NTNG1: variants seen among roughly 807,000 people sequenced by gnomAD.
NTNG1 encodes netrin-G1.
NTNG1 carries 16 observed loss-of-function variants against 54.0 expected under a neutral mutation model. The observed-to-expected ratio is 0.30, with a 90% CI of 0.20 to 0.45. The LOEUF is 0.45. NTNG1 is among the 20% of genes least tolerant of loss of function. The pLI is 1.00. For missense variants in NTNG1, 530 were observed against 678.7 expected (o/e 0.78, Z 2.43); for synonymous variants, 255 against 263.1 (o/e 0.97, Z 0.30).
At chr1:107,152,174 A>G (rs764856451) in intron 2 of NTNG1, among the ~76,000 whole-genome samples, 12 of 152,144 alleles carry the variant, frequency 7.9e-5, no homozygotes, top group Non-Finnish European at 1.5e-4. Context: ...GATGATGGCT[A>G]AAGAAAATCT....
At chr1:107,327,775 A>G (rs1313517966) in intron 3 of NTNG1, among the ~76,000 whole-genome samples, 2 of 152,168 alleles carry the variant, frequency 1.3e-5, no homozygotes, top group African/African-American at 2.4e-5. Flanking sequence ...AGATGTAAAC[A>G]TCTATAGTAT....
intron 2 of NTNG1, among the ~76,000 whole-genome samples, chr1:107,213,249 A>G (rs553274541): frequency 9.2e-5 from 14 of 152,046 alleles, no homozygotes; most frequent in South Asian, 2.1e-4. Flanking sequence ...ACTTGTTTCA[A>G]TTTTTTGCAT....
intron 3 of NTNG1, among the ~76,000 whole-genome samples, chr1:107,388,531 C>A (rs115066001): frequency 0.013 from 2,010 of 152,294 alleles, 47 homozygotes; most frequent in African/African-American, 0.045. Context: ...GTGCAGGTCT[C>A]ATGGGATTGT....
intron 3 of NTNG1, among the ~76,000 whole-genome samples, chr1:107,364,897 C>T (rs1557935765): frequency 6.6e-6 from 1 of 152,104 alleles, no homozygotes. Flanking sequence ...GTCTCCCAGT[C>T]CTCATTCATT....
At chr1:107,447,633 G>A (rs1485901977) in intron 7 of NTNG1, among the ~76,000 whole-genome samples, 1 of 152,074 alleles carries the variant, frequency 6.6e-6, no homozygotes, top group Admixed American at 6.6e-5. Context: ...GTCTAGGCAT[G>A]GAGGAGTTTG....
At chr1:107,164,958 G>A (rs1394048435) in intron 2 of NTNG1, among the ~76,000 whole-genome samples, 2 of 152,092 alleles carry the variant, frequency 1.3e-5, no homozygotes, top group Non-Finnish European at 2.9e-5. Context: ...GGGTTGGACC[G>A]CACAGTCTAA....
In NTNG1 at chr1:107,480,937, A is replaced by C; in HGVS notation, c.*97A>C. 1 of 861,542 alleles carries C rather than the reference A, an allele frequency of 1.2e-6. No individual in the cohort carries two copies. Among genetic ancestry groups the C allele is most frequent in the Non-Finnish European group, 1.8e-6 (1 of 550,600 alleles). 53.4% of individuals were successfully genotyped at this position (861,542 alleles called of 1,614,324 possible). On this transcript the variant is annotated 3_prime_UTR_variant, in exon 8 of 8. Transcript: ENST00000370068. ...ACATAGGAAACACACACATACAGAC[A>C]CCCCCACTCAGACAGTGTACAAACT...
At chr1:107,402,385 T>A (rs1557969149) in intron 4 of NTNG1, among the ~76,000 whole-genome samples, 1 of 152,174 alleles carries the variant, frequency 6.6e-6, no homozygotes, top group Non-Finnish European at 1.5e-5. Context: ...GAGACCATGC[T>A]AGGACGGTAC....
At chr1:107,360,642 G>C (rs1194603720) in intron 3 of NTNG1, among the ~76,000 whole-genome samples, 3 of 152,166 alleles carry the variant, frequency 2.0e-5, no homozygotes, top group Non-Finnish European at 4.4e-5. Context: ...ATTCTGAAAA[G>C]TATTTGCAAA....
At chr1:107,374,227 T>G (rs1327841061) in intron 3 of NTNG1, among the ~76,000 whole-genome samples, 1 of 152,164 alleles carries the variant, frequency 6.6e-6, no homozygotes, top group East Asian at 1.9e-4. Flanking sequence ...TGGTGTAATT[T>G]TATTTATTTA....
chr1:107,474,188 C>T (rs749966601), intron 7 of NTNG1, among the ~76,000 whole-genome samples: 1 of 152,058 alleles, frequency 6.6e-6, no homozygotes, highest in Non-Finnish European at 1.5e-5. Flanking sequence ...TAAAATGAAC[C>T]TTTCTGTTTA....
intron 2 of NTNG1, among the ~76,000 whole-genome samples, chr1:107,154,046 A>T (rs75619257): frequency 0.048 from 7,360 of 152,288 alleles, 576 homozygotes; most frequent in African/African-American, 0.17. Context: ...CATTCAGCAC[A>T]TGCAAAACCT....
At chr1:107,216,770 TG>T (rs1244471690) in intron 2 of NTNG1, among the ~76,000 whole-genome samples, 1 of 151,618 alleles carries the variant, frequency 6.6e-6, no homozygotes, top group African/African-American at 2.4e-5. Context: ...CTCTACCTCC[TG>T]GGTTCAAGCA....
chr1:107,375,071 G>GT (rs973369204), intron 3 of NTNG1, among the ~76,000 whole-genome samples: 8 of 152,234 alleles, frequency 5.3e-5, no homozygotes, highest in African/African-American at 1.7e-4. Context: ...ACTTTTGGAG[G>GT]TTTTTTCCCT....
intron 7 of NTNG1, among the ~76,000 whole-genome samples, chr1:107,454,448 C>T (rs1183684483): frequency 1.3e-5 from 2 of 152,078 alleles, no homozygotes; most frequent in African/African-American, 2.4e-5. Flanking sequence ...ATAGTCCCTA[C>T]CCATTCTCAT....
chr1:107,464,744 T>A lies in NTNG1; in HGVS notation c.1391-15867T>A, dbSNP rs565922147. Among the ~76,000 whole-genome samples the A allele has an allele frequency of 7.9e-5, 12 of 152,308 alleles. No homozygotes were observed. The East Asian group carries it at 2.3e-3, about 29-fold the overall frequency. On this transcript the variant is annotated intron_variant, in intron 7 of 7. Transcript: ENST00000370068. ...TAATGGGAGTGCAATAGGTGGAGAA[T>A]CTGCCTTCCACCCTCCTGCACCTTT...
rs1667845923 is a variant in NTNG1, at chr1:107,324,684, A to C, written c.649A>C (p.Asn217His). The C allele has an allele frequency of 1.2e-6, 2 of 1,613,622 alleles. No individual in the cohort carries two copies. Among genetic ancestry groups the C allele is most frequent in the Non-Finnish European group, 1.7e-6 (2 of 1,179,786 alleles). ...TEEYSTGYTTNSKIIHFEIKD... is the reference protein window; with the variant it reads ...TEEYSTGYTTHSKIIHFEIKD... ...AGAGTACTCAACAGGGTATACAACA[A>C]ATAGCAAAATAATCCACTTTGAAAT... Residue 217 changes from asparagine to histidine, a missense_variant, in exon 3 of 8, where the codon AAT (asparagine) becomes CAT (histidine). Transcript: ENST00000370068.
At position 107,208,557 on chromosome 1, in the gene NTNG1, C is replaced by T. The variant is rs115279945; in HGVS notation, c.246+59718C>T. The stretch of plus-strand genomic sequence containing the variant: ...AGCAACACACCTACGCCCCATGTCT[C>T]ACTGAGTTTCTAATGAAGGAACTCT... On this transcript the variant is annotated intron_variant, in intron 2 of 7. Transcript: ENST00000370068. 4.0e-3 allele frequency among the ~76,000 whole-genome samples: 616 copies of T among 152,290 alleles called. 4 individuals are homozygous for T. Among genetic ancestry groups the T allele is most frequent in the African/African-American group, 0.014 (597 of 41,576 alleles).
chr1:107,218,619 TC>T (rs56974864), intron 2 of NTNG1, among the ~76,000 whole-genome samples: 116,580 of 152,108 alleles, frequency 0.77, 47,780 homozygotes, highest in East Asian at 0.96. Context: ...GATTTAGAGC[TC>T]CTTTTAGAAG....
Sources: gnomAD v4.1 joint callset for allele counts (sites outside exome capture counted in the v4.1 genomes callset) on GRCh38, gnomAD v4.1.1 for gene constraint, MANE v1.5 for transcripts, NCBI Gene and HGNC (gene_info 2026-07-23, HGNC 2026-07-21) for gene names.